The following LRBA variants were observed in gnomAD, a reference collection of about 807,000 sequenced individuals.
The protein encoded by LRBA is LPS responsive beige-like anchor protein.
Under a neutral mutation model 330.0 loss-of-function variants are expected in LRBA, and 176 were observed. That is an observed-to-expected ratio of 0.53 (90% confidence interval 0.47 to 0.60). The LOEUF is 0.60. Ranked by LOEUF, LRBA falls within the 20% of genes least tolerant of loss-of-function variation. The pLI is 0.00. For synonymous variants in LRBA, 1,230 were observed against 1,193.0 expected (o/e 1.03, Z -0.64); for missense variants, 3,259 against 3,444.8 (o/e 0.95, Z 1.35).
At chr4:150,971,935 T>A (rs1739625673) in intron 2 of LRBA, among the ~76,000 whole-genome samples, 2 of 152,046 alleles carry the variant, frequency 1.3e-5, no homozygotes, top group African/African-American at 4.8e-5. Flanking sequence ...ACACACAGAT[T>A]AGGGAGAAAA....
chr4:150,926,403 G>A (rs781653286), intron 4 of LRBA, among the ~76,000 whole-genome samples: 19 of 152,238 alleles, frequency 1.2e-4, no homozygotes, highest in South Asian at 2.1e-4. Flanking sequence ...TAGCCGTAGC[G>A]TAACAGCCAC....
At chr4:150,830,944 T>C (rs1188082671) in intron 29 of LRBA, among the ~76,000 whole-genome samples, 1 of 151,862 alleles carries the variant, frequency 6.6e-6, no homozygotes, top group Non-Finnish European at 1.5e-5. Flanking sequence ...TTTGTATTTT[T>C]AGTAGAGATA....
intron 44 of LRBA, among the ~76,000 whole-genome samples, chr4:150,452,042 T>C (rs1021879564): frequency 1.3e-5 from 2 of 152,092 alleles, no homozygotes; most frequent in Admixed American, 6.6e-5. Context: ...TTCCAGGAAA[T>C]AGAAGAGGAA....
intron 40 of LRBA, among the ~76,000 whole-genome samples, chr4:150,535,518 A>G (rs141892923): frequency 3.4e-3 from 519 of 152,296 alleles, no homozygotes; most frequent in African/African-American, 0.011. Context: ...ACACAAATAC[A>G]TAATATCACC....
intron 28 of LRBA, among the ~76,000 whole-genome samples, chr4:150,837,940 T>A (rs559823444): frequency 1.3e-5 from 2 of 152,344 alleles, no homozygotes; most frequent in East Asian, 3.9e-4. Context: ...TGGTTGTTCC[T>A]TTCCATGTTT....
intron 37 of LRBA, among the ~76,000 whole-genome samples, chr4:150,619,678 C>T (rs1776114346): frequency 1.3e-5 from 2 of 152,268 alleles, no homozygotes; most frequent in Non-Finnish European, 2.9e-5. Context: ...GAACATCCAT[C>T]ATACCATTAG....
At position 150,840,374 on chromosome 4, in the gene LRBA, G is replaced by C. The variant is rs1217852740; in HGVS notation, c.4569+3726C>G. Among the ~76,000 whole-genome samples the C allele has an allele frequency of 2.6e-5, 4 of 152,274 alleles. No individual in the cohort carries two copies. In the South Asian group the frequency reaches 6.2e-4, roughly 24 times the overall value. ...TCTTCACTAAGCTTAATCATTTCTA[G>C]CTTTTTATTTAAAGTGAGAGACATG... On this transcript the variant is annotated intron_variant, in intron 28 of 56. Coordinates refer to ENST00000651943, the MANE Select transcript of LRBA (RefSeq NM_001364905.1).
At chr4:150,717,019 A>G (rs552817159) in intron 36 of LRBA, among the ~76,000 whole-genome samples, 1 of 152,308 alleles carries the variant, frequency 6.6e-6, no homozygotes, top group South Asian at 2.1e-4. Flanking sequence ...GTACTAAATC[A>G]CTTAATAGAT....
At chr4:150,801,660 G>A (rs965409904) in intron 33 of LRBA, among the ~76,000 whole-genome samples, 1 of 152,074 alleles carries the variant, frequency 6.6e-6, no homozygotes, top group African/African-American at 2.4e-5. Flanking sequence ...ACCGCCACAC[G>A]TCTTTTTAGA....
intron 2 of LRBA, among the ~76,000 whole-genome samples, chr4:150,996,424 T>A (rs60323651): frequency 0.058 from 8,803 of 152,170 alleles, 768 homozygotes; most frequent in African/African-American, 0.2. Context: ...AGGTTAAGAA[T>A]AATATTCATA....
chr4:150,703,944 C>T (rs59223425), intron 36 of LRBA, among the ~76,000 whole-genome samples: 1,579 of 152,078 alleles, frequency 0.01, 22 homozygotes, highest in African/African-American at 0.036. Context: ...GTGGCTCATG[C>T]CTGTAATCCC....
chr4:150,775,630 T>C (rs997881673), intron 34 of LRBA, among the ~76,000 whole-genome samples: 1 of 151,750 alleles, frequency 6.6e-6, no homozygotes, highest in African/African-American at 2.4e-5. Context: ...AAGGGGACTC[T>C]AGGTGCTATA....
intron 48 of LRBA, 140 bp downstream of exon 48, chr4:150,349,851 TA>T (rs1422579236): frequency 3.1e-6 from 2 of 655,332 alleles, no homozygotes; most frequent in African/African-American, 3.8e-5. Flanking sequence ...AGGTCACTGA[TA>T]AATTATTCTG....
chr4:150,649,881 T>C (rs1779549904), intron 37 of LRBA, among the ~76,000 whole-genome samples: 1 of 152,084 alleles, frequency 6.6e-6, no homozygotes. Flanking sequence ...TTTACAAATA[T>C]GCGGGTGTGT....
chr4:150,895,076 T>A (rs1361078495), intron 16 of LRBA, among the ~76,000 whole-genome samples: 1 of 151,902 alleles, frequency 6.6e-6, no homozygotes, highest in African/African-American at 2.4e-5. Context: ...ATTTATTAAT[T>A]CACAAGGTAT....
intron 36 of LRBA, among the ~76,000 whole-genome samples, chr4:150,701,851 A>G (rs1338059036): frequency 6.6e-6 from 1 of 152,198 alleles, no homozygotes; most frequent in Non-Finnish European, 1.5e-5. Context: ...CACAAAGTGT[A>G]TATCAAGGGA....
chr4:150,367,827 G>A (rs1005947906), intron 47 of LRBA, among the ~76,000 whole-genome samples: 1 of 151,942 alleles, frequency 6.6e-6, no homozygotes, highest in Non-Finnish European at 1.5e-5. Context: ...TAGCTAATTC[G>A]TTCATATTCT....
chr4:150,348,179 G>C (rs973705360), intron 48 of LRBA, among the ~76,000 whole-genome samples: 1 of 152,160 alleles, frequency 6.6e-6, no homozygotes, highest in Non-Finnish European at 1.5e-5. Context: ...AGTGGGGACA[G>C]TGGTCAATCC....
intron 2 of LRBA, among the ~76,000 whole-genome samples, chr4:150,935,149 C>A (rs1734956045): frequency 6.7e-6 from 1 of 149,328 alleles, no homozygotes; most frequent in Admixed American, 6.8e-5. Context: ...GCACTCCAGC[C>A]TGGTCAACAA....
Sources: allele counts gnomAD v4.1 joint callset (sites outside exome capture counted in the v4.1 genomes callset), GRCh38; gene constraint gnomAD v4.1.1; transcripts MANE v1.5; gene names NCBI Gene and HGNC (gene_info 2026-07-23, HGNC 2026-07-21).